The following STK33 variants were observed in gnomAD, a reference collection of about 807,000 sequenced individuals.
The protein encoded by STK33 is serine/threonine-protein kinase 33.
A neutral mutation model predicts 58.0 loss-of-function variants in STK33; 52 were observed. That is an observed-to-expected ratio of 0.90 (90% CI 0.72 to 1.13). STK33 has a LOEUF of 1.13. Among genes scored for constraint, STK33 ranks in the 50% most tolerant of loss-of-function variants. The pLI, the probability that STK33 is intolerant of heterozygous loss-of-function variation, is 0.00. For missense variants in STK33, 630 were observed against 604.2 expected (o/e 1.04, Z -0.45); for synonymous variants, 215 against 200.1 (o/e 1.07, Z -0.63).
intron 14 of STK33, among the ~76,000 whole-genome samples, chr11:8,434,460 C>G (rs1943816982): frequency 6.6e-6 from 1 of 152,028 alleles, no homozygotes; most frequent in Non-Finnish European, 1.5e-5. Context: ...AAGACCTATC[C>G]ACTTACTGAA....
At chr11:8,566,626 G>A (rs974217518) in intron 1 of STK33, among the ~76,000 whole-genome samples, 2 of 152,128 alleles carry the variant, frequency 1.3e-5, no homozygotes, top group Non-Finnish European at 2.9e-5. Context: ...TCTTGTAATA[G>A]TCATACATGC....
At chr11:8,576,544 T>C (rs1285486707) in intron 1 of STK33, among the ~76,000 whole-genome samples, 2 of 152,232 alleles carry the variant, frequency 1.3e-5, no homozygotes, top group Non-Finnish European at 2.9e-5. Context: ...AAATGCTTAA[T>C]GTGTGAATAT....
At chr11:8,428,675 T>C (rs2136097828) in intron 14 of STK33, among the ~76,000 whole-genome samples, 1 of 151,514 alleles carries the variant, frequency 6.6e-6, no homozygotes, top group Admixed American at 6.6e-5. Flanking sequence ...AGGTTCTCAG[T>C]GTCTATTAAA....
intron 7 of STK33, among the ~76,000 whole-genome samples, chr11:8,464,061 G>T (rs1266482069): frequency 6.6e-6 from 1 of 152,066 alleles, no homozygotes; most frequent in Non-Finnish European, 1.5e-5. Flanking sequence ...AAATCCTAGG[G>T]GAAAACACCA....
At chr11:8,569,654 C>A (rs1433072330) in intron 1 of STK33, among the ~76,000 whole-genome samples, 1 of 152,046 alleles carries the variant, frequency 6.6e-6, no homozygotes, top group Non-Finnish European at 1.5e-5. Flanking sequence ...TCAAAAGACA[C>A]CATTAAGAAA....
At chr11:8,354,140 C>T in the STK33 span, among the ~76,000 whole-genome samples, 1 of 152,084 alleles carries the variant, frequency 6.6e-6, no homozygotes, top group Non-Finnish European at 1.5e-5. Flanking sequence ...AAGATGAGAA[C>T]ACTATGTTAC....
the STK33 span, among the ~76,000 whole-genome samples, chr11:8,335,977 A>G: frequency 6.6e-6 from 1 of 152,080 alleles, no homozygotes; most frequent in Non-Finnish European, 1.5e-5. Context: ...GCTGGGAGGG[A>G]GGAGAGTGGA....
intron 1 of STK33, among the ~76,000 whole-genome samples, chr11:8,481,133 T>C (rs1949759354): frequency 6.6e-6 from 1 of 152,094 alleles, no homozygotes; most frequent in African/African-American, 2.4e-5. Context: ...GATGTTTCAT[T>C]CCACATGAGG....
intron 1 of STK33, among the ~76,000 whole-genome samples, chr11:8,592,254 A>G (rs1189817859): frequency 6.6e-6 from 1 of 152,164 alleles, no homozygotes; most frequent in East Asian, 1.9e-4. Flanking sequence ...AGCCCAGCAT[A>G]GTGGTTCCTG....
intron 7 of STK33, 80 bp downstream of exon 7, chr11:8,464,629 T>C: frequency 3.2e-6 from 3 of 939,104 alleles, no homozygotes; most frequent in Non-Finnish European, 4.9e-6. Flanking sequence ...GCAGCTTGTG[T>C]TAGTGTAAAA....
intron 6 of STK33, among the ~76,000 whole-genome samples, chr11:8,472,071 C>T (rs768839238): frequency 3.3e-5 from 5 of 152,078 alleles, no homozygotes; most frequent in East Asian, 1.9e-4. Context: ...GGACTACAGC[C>T]GAATGCCTCT....
the STK33 span, among the ~76,000 whole-genome samples, chr11:8,369,868 T>G: frequency 6.6e-6 from 1 of 152,198 alleles, no homozygotes; most frequent in Non-Finnish European, 1.5e-5. Context: ...GGCTTTAGCC[T>G]AAGGGGCCAG....
chr11:8,424,253 C>T (rs1942385152), intron 14 of STK33, among the ~76,000 whole-genome samples: 1 of 151,112 alleles, frequency 6.6e-6, no homozygotes, highest in Admixed American at 6.6e-5. Flanking sequence ...GCTTTTTGTC[C>T]TTGCGATAGT....
intron 6 of STK33, among the ~76,000 whole-genome samples, chr11:8,469,264 T>A (rs1341294658): frequency 1.3e-5 from 2 of 152,260 alleles, no homozygotes; most frequent in Non-Finnish European, 2.9e-5. Flanking sequence ...ACTAAGTTTA[T>A]GTGATATTCT....
chr11:8,503,920 A>T (rs1016538472), intron 1 of STK33, among the ~76,000 whole-genome samples: 1 of 152,170 alleles, frequency 6.6e-6, no homozygotes. Context: ...CTGTGTTTTA[A>T]ATAGGTAGGA....
chr11:8,373,514 G>T, the STK33 span, among the ~76,000 whole-genome samples: 1 of 152,170 alleles, frequency 6.6e-6, no homozygotes, highest in African/African-American at 2.4e-5. Context: ...GGATCAGGCT[G>T]GGCCCAGGCA....
At chr11:8,546,216 A>G (rs1955899988) in intron 1 of STK33, among the ~76,000 whole-genome samples, 1 of 152,236 alleles carries the variant, frequency 6.6e-6, no homozygotes, top group Non-Finnish European at 1.5e-5. Context: ...ATACTACTGT[A>G]CACTGTGCAA....
chr11:8,364,929 A>ACCCCCC, the STK33 span, among the ~76,000 whole-genome samples: 3 of 146,206 alleles, frequency 2.1e-5, no homozygotes, highest in South Asian at 2.2e-4. Flanking sequence ...ATTTCATGTG[A>ACCCCCC]CCCCCCCCGC....
the STK33 span, among the ~76,000 whole-genome samples, chr11:8,376,540 T>C: frequency 6.6e-6 from 1 of 151,970 alleles, no homozygotes. Flanking sequence ...CAGGCTTTGA[T>C]TCTTTTTTCT....
Sources: gnomAD v4.1 joint callset for allele counts (sites outside exome capture counted in the v4.1 genomes callset) on GRCh38, gnomAD v4.1.1 for gene constraint, MANE v1.5 for transcripts, NCBI Gene and HGNC (gene_info 2026-07-23, HGNC 2026-07-21) for gene names.